Variants in FMO1 observed in about 807,000 individuals in gnomAD.
FMO1 encodes the protein flavin containing dimethylaniline monoxygenase 1, also known as flavin-containing monooxygenase 1.
Under a neutral mutation model 45.4 loss-of-function variants are expected in FMO1, and 36 were observed. The observed-to-expected ratio is 0.79, with a 90% confidence interval of 0.61 to 1.05. The LOEUF (loss-of-function observed/expected upper bound fraction) is 1.05, where lower values mean the gene tolerates loss of function less well. Among genes scored for constraint, FMO1 ranks in the 50% least tolerant of loss-of-function variants. The pLI, the probability that FMO1 is intolerant of heterozygous loss-of-function variation, is 0.00. For synonymous variants in FMO1, 228 were observed against 227.2 expected (o/e 1.00, Z -0.03); for missense variants, 615 against 640.3 (o/e 0.96, Z 0.43).
chr1:171,248,770 T>G (rs1411029105), intron 1 of FMO1, 147 bp downstream of exon 1: 1 of 151,980 alleles, frequency 6.6e-6, no homozygotes, highest in Admixed American at 6.5e-5. Flanking sequence ...ATAAAGCTAC[T>G]CCTTGGCCCA....
At chr1:171,284,647 G>A (rs900845028) in intron 8 of FMO1, among the ~76,000 whole-genome samples, 3 of 150,960 alleles carry the variant, frequency 2.0e-5, no homozygotes, top group East Asian at 1.9e-4. Flanking sequence ...CAGGAGGATC[G>A]CTTGAGCCAA....
At chr1:171,281,006 A>C (rs765237213) in intron 6 of FMO1, 21 bp downstream of exon 6, 15 of 1,606,788 alleles carry the variant, frequency 9.3e-6, no homozygotes, top group Admixed American at 1.7e-5. Context: ...TGTGACTGCC[A>C]AGGGCTTTTA....
Position 171,285,224 on chromosome 1 carries a change from G to C in FMO1, c.1279G>C (p.Ala427Pro), listed in dbSNP as rs757081134. Residue 427 changes from alanine (A) to proline (P), a missense_variant, in exon 9 of 9, where the codon GCT (alanine) becomes CCT (proline). By Grantham distance (27) the Ala-to-Pro change is conservative. Transcript: ENST00000617670. ...PSWFGLCYCK[A>P]LQSDYITYID... ...AAGGTTTGGCTTGTGCTACTGCAAG[G>C]CTTTACAATCAGATTATATCACATA... The C allele has an allele frequency of 2.5e-6, 4 of 1,607,822 alleles. No homozygotes were observed. The African/African-American group carries it at 4.0e-5, about 16-fold the overall frequency.
chr1:171,284,180 A>G (rs906750659), intron 8 of FMO1, among the ~76,000 whole-genome samples: 1 of 131,330 alleles, frequency 7.6e-6, no homozygotes, highest in African/African-American at 3.9e-5. Context: ...GTGGCAAAAA[A>G]AAAAAAACAA....
chr1:171,262,760 C>T (rs977596642), intron 2 of FMO1, among the ~76,000 whole-genome samples: 1 of 152,114 alleles, frequency 6.6e-6, no homozygotes, highest in African/African-American at 2.4e-5. Context: ...TGGGGTACCC[C>T]TGACAGGCCC....
At chr1:171,283,029 A>T (rs1049785017) in intron 7 of FMO1, 115 bp from the exon 8 acceptor site, 1 of 672,040 alleles carries the variant, frequency 1.5e-6, no homozygotes. Context: ...AGAAGGATCA[A>T]TGAGTAGCTG....
chr1:171,273,213 A>T (rs997817461), intron 3 of FMO1, among the ~76,000 whole-genome samples: 4 of 152,172 alleles, frequency 2.6e-5, no homozygotes, highest in Non-Finnish European at 5.9e-5. Context: ...TGCTCCTGCC[A>T]TGATTGTGAT....
chr1:171,281,946 C>T, intron 6 of FMO1, 32 bp from the exon 7 acceptor site: 1 of 1,339,612 alleles, frequency 7.5e-7, no homozygotes, highest in Non-Finnish European at 1.0e-6. Context: ...TGTTCACTGA[C>T]AAGTCTCCTC....
chr1:171,264,090 C>T (rs2101809563), intron 2 of FMO1, among the ~76,000 whole-genome samples: 1 of 152,236 alleles, frequency 6.6e-6, no homozygotes, highest in Admixed American at 6.5e-5. Context: ...ATCTGTGATA[C>T]ATTATTTCAC....
Position 171,285,230 on chromosome 1 carries a change from C to A in FMO1, c.1285C>A (p.Gln429Lys), listed in dbSNP as rs868188748. The A allele has an allele frequency of 1.9e-6, 3 of 1,609,534 alleles. No homozygotes were observed. The highest frequency in any genetic ancestry group is 2.5e-6 in the Non-Finnish European group (3 of 1,178,040). The change falls in exon 9 of 9, where the codon CAA becomes AAA. Residue 429 changes from glutamine (Q) to lysine (K), a missense_variant. Transcript: ENST00000617670. ...WFGLCYCKAL[Q>K]SDYITYIDEL... ...TGGCTTGTGCTACTGCAAGGCTTTA[C>A]AATCAGATTATATCACATACATAGA... is the stretch of plus-strand genomic sequence containing the variant.
intron 4 of FMO1, 148 bp downstream of exon 4, chr1:171,275,656 T>C (rs1661080026): frequency 3.3e-6 from 2 of 599,152 alleles, no homozygotes; most frequent in African/African-American, 3.8e-5. Context: ...GTTTTGTTTT[T>C]TTCTAGCCAG....
intron 2 of FMO1, 95 bp from the exon 3 acceptor site, chr1:171,267,448 G>A: frequency 1.3e-6 from 1 of 744,680 alleles, no homozygotes; most frequent in Non-Finnish European, 2.2e-6. Flanking sequence ...TCCTGTGCTT[G>A]GCAATGATAC....
At chr1:171,273,806 T>C (rs1660977233) in intron 3 of FMO1, among the ~76,000 whole-genome samples, 1 of 152,190 alleles carries the variant, frequency 6.6e-6, no homozygotes, top group Admixed American at 6.5e-5. Context: ...CATGAGCCAC[T>C]GTTGCCAGGC....
chr1:171,281,145 C>G (rs149012647), intron 6 of FMO1, among the ~76,000 whole-genome samples, 160 bp downstream of exon 6: 1 of 152,108 alleles, frequency 6.6e-6, no homozygotes, highest in African/African-American at 2.4e-5. Context: ...CTTAAGTACT[C>G]AGAAAGTGAA....
At chr1:171,278,638 T>C (rs1265355601) in intron 4 of FMO1, 91 bp from the exon 5 acceptor site, 2 of 986,518 alleles carry the variant, frequency 2.0e-6, no homozygotes, top group Admixed American at 2.6e-5. Context: ...CAAAATCATC[T>C]GTCAAAAGAA....
chr1:171,268,676 C>T, intron 3 of FMO1, among the ~76,000 whole-genome samples: 1 of 152,004 alleles, frequency 6.6e-6, no homozygotes. Context: ...TTCCCTTCTC[C>T]TTTCTCCCTC....
intron 8 of FMO1, among the ~76,000 whole-genome samples, chr1:171,284,692 A>T (rs1197483767): frequency 6.6e-6 from 1 of 151,084 alleles, no homozygotes; most frequent in Non-Finnish European, 1.5e-5. Context: ...TGATCATGCC[A>T]CTGCACTCCA....
In FMO1 at chr1:171,267,633, C is replaced by T; in HGVS notation, c.223C>T (p.Pro75Ser). 2 of 1,613,990 alleles carry T rather than the reference C, an allele frequency of 1.2e-6. No homozygotes were observed. The highest frequency in any genetic ancestry group is 1.7e-6 in the Non-Finnish European group (2 of 1,179,868). Reference sequence around the variant, plus strand: ...GTCTTGTTACTCAGACTTTCCATTCCCAGAAGATTATCCAAACTATGTGCC... The same window carrying T: ...GTCTTGTTACTCAGACTTTCCATTCTCAGAAGATTATCCAAACTATGTGCC... ...EMSCYSDFPF[P>S]EDYPNYVPNS... Residue 75 changes from proline to serine, a missense_variant, in exon 3 of 9, where the codon CCA becomes TCA. Pro to Ser is a moderately conservative substitution (Grantham distance 74). Transcript: ENST00000617670.
At chr1:171,266,288 A>G (rs1347446610) in intron 2 of FMO1, among the ~76,000 whole-genome samples, 1 of 152,218 alleles carries the variant, frequency 6.6e-6, no homozygotes, top group Non-Finnish European at 1.5e-5. Context: ...TTATTGCTAT[A>G]AAAGTTTCTA....
Sources: allele counts gnomAD v4.1 joint callset (sites outside exome capture counted in the v4.1 genomes callset), GRCh38; gene constraint gnomAD v4.1.1; transcripts MANE v1.5; gene names NCBI Gene and HGNC (gene_info 2026-07-23, HGNC 2026-07-21).